Variants in CREB5 observed in about 807,000 individuals in gnomAD.
CREB5 encodes the protein cyclic AMP-responsive element-binding protein 5.
A neutral mutation model predicts 57.1 loss-of-function variants in CREB5; 19 were observed. That is an observed-to-expected ratio of 0.33 (90% CI 0.23 to 0.49). The LOEUF is 0.49. Ranked by LOEUF, CREB5 falls within the 20% of genes least tolerant of loss-of-function variation. CREB5 has a pLI of 0.99. For synonymous variants in CREB5, 238 were observed against 238.3 expected (o/e 1.00, Z 0.01); for missense variants, 579 against 671.6 (o/e 0.86, Z 1.52).
intron 1 of CREB5, among the ~76,000 whole-genome samples, chr7:28,365,108 C>A (rs1401244201): frequency 6.6e-6 from 1 of 152,202 alleles, no homozygotes; most frequent in African/African-American, 2.4e-5. Flanking sequence ...CTTGACCAAA[C>A]CACGAATTGC....
intron 5 of CREB5, among the ~76,000 whole-genome samples, chr7:28,586,072 A>G (rs1796295227): frequency 6.6e-6 from 1 of 152,080 alleles, no homozygotes; most frequent in African/African-American, 2.4e-5. Flanking sequence ...TCAAATCACT[A>G]TGTCATCTTG....
intron 5 of CREB5, among the ~76,000 whole-genome samples, chr7:28,694,560 A>T (rs532928495): frequency 6.6e-5 from 10 of 152,230 alleles, no homozygotes; most frequent in African/African-American, 1.7e-4. Context: ...TTCTTTTTTT[A>T]AAATTTTTCT....
intron 5 of CREB5, among the ~76,000 whole-genome samples, chr7:28,584,564 T>TG (rs1796243020): frequency 6.6e-6 from 1 of 152,096 alleles, no homozygotes; most frequent in South Asian, 2.1e-4. Flanking sequence ...ATCCAGGAGC[T>TG]GGGCATGGGG....
intron 6 of CREB5, among the ~76,000 whole-genome samples, chr7:28,720,149 T>A (rs1476069966): frequency 6.6e-6 from 1 of 152,198 alleles, no homozygotes; most frequent in Non-Finnish European, 1.5e-5. Flanking sequence ...TGCATGGACC[T>A]CTTCTTCATC....
chr7:28,306,211 T>A (rs73080557), intron 1 of CREB5, among the ~76,000 whole-genome samples: 9,948 of 152,292 alleles, frequency 0.065, 419 homozygotes, highest in Middle Eastern at 0.11. Context: ...AGTGTGAAAC[T>A]AATACTAGTT....
At chr7:28,516,138 C>A (rs1176569574) in intron 4 of CREB5, among the ~76,000 whole-genome samples, 7 of 152,004 alleles carry the variant, frequency 4.6e-5, no homozygotes, top group Non-Finnish European at 1.5e-5. Context: ...TGCTTGAGCC[C>A]AGGTGTTCAA....
chr7:28,648,800 T>C (rs1001401045), intron 5 of CREB5, among the ~76,000 whole-genome samples: 6 of 152,144 alleles, frequency 3.9e-5, no homozygotes, highest in Non-Finnish European at 8.8e-5. Context: ...ACTAAAATAT[T>C]ACTGAGAATT....
At chr7:28,364,347 G>A (rs1281670168) in intron 1 of CREB5, among the ~76,000 whole-genome samples, 1 of 152,192 alleles carries the variant, frequency 6.6e-6, no homozygotes, top group Non-Finnish European at 1.5e-5. Context: ...GGAAAGTTAT[G>A]AAGAGACAGT....
chr7:28,749,580 A>G (rs1804867552), intron 7 of CREB5: 1 of 152,230 alleles, frequency 6.6e-6, no homozygotes, highest in African/African-American at 2.4e-5. Flanking sequence ...GCAGTTGTAT[A>G]TTGGCCAAAT....
chr7:28,538,504 C>T (rs988719120), intron 4 of CREB5, among the ~76,000 whole-genome samples: 8 of 151,998 alleles, frequency 5.3e-5, no homozygotes, highest in Non-Finnish European at 7.4e-5. Flanking sequence ...TCTTTCACGA[C>T]GTTGCTAGGG....
chr7:28,486,210 CA>C (rs1791537594), intron 1 of CREB5, among the ~76,000 whole-genome samples: 1 of 152,030 alleles, frequency 6.6e-6, no homozygotes, highest in African/African-American at 2.4e-5. Flanking sequence ...ATCTGACTGA[CA>C]ATGTTATCTC....
intron 1 of CREB5, among the ~76,000 whole-genome samples, chr7:28,366,448 T>C (rs1786588811): frequency 6.6e-6 from 1 of 152,168 alleles, no homozygotes; most frequent in African/African-American, 2.4e-5. Flanking sequence ...TACTACTTAT[T>C]GTTATTGTGA....
intron 5 of CREB5, among the ~76,000 whole-genome samples, chr7:28,718,464 A>G (rs1562593646): frequency 6.6e-6 from 1 of 152,220 alleles, no homozygotes; most frequent in Non-Finnish European, 1.5e-5. Context: ...TCCTTTCCTA[A>G]GATGCGAGCG....
chr7:28,774,093 T>A (rs975171684), intron 7 of CREB5, among the ~76,000 whole-genome samples: 2 of 152,214 alleles, frequency 1.3e-5, no homozygotes, highest in Admixed American at 6.5e-5. Flanking sequence ...TTTCTTTCCT[T>A]CTTTTAACTG....
chr7:28,632,170 A>T (rs1296890340), intron 5 of CREB5, among the ~76,000 whole-genome samples: 1 of 152,204 alleles, frequency 6.6e-6, no homozygotes, highest in Non-Finnish European at 1.5e-5. Context: ...ACAAGATAAC[A>T]GCCTTTATCC....
intron 5 of CREB5, among the ~76,000 whole-genome samples, chr7:28,603,124 A>G (rs1293798995): frequency 6.6e-6 from 1 of 152,202 alleles, no homozygotes. Context: ...TGACAAAATA[A>G]GGTAATTCCC....
intron 5 of CREB5, among the ~76,000 whole-genome samples, chr7:28,665,471 AT>A (rs1562558569): frequency 6.6e-6 from 1 of 152,154 alleles, no homozygotes; most frequent in African/African-American, 2.4e-5. Context: ...TGAGCTGGTT[AT>A]TTTTTATGTC....
At chr7:28,732,000 G>A (rs1043210134) in intron 7 of CREB5, among the ~76,000 whole-genome samples, 2 of 152,052 alleles carry the variant, frequency 1.3e-5, no homozygotes, top group African/African-American at 2.4e-5. Context: ...ATGTTTTCTC[G>A]CTGTTTTCTT....
At chr7:28,594,126 CCTCCTTT>C (rs890381800) in intron 5 of CREB5, among the ~76,000 whole-genome samples, 3 of 152,330 alleles carry the variant, frequency 2.0e-5, no homozygotes, top group Admixed American at 2.0e-4. Flanking sequence ...GAGAAATCTG[CCTCCTTT>C]CTCCTTACAA....
Sources: gnomAD v4.1 joint callset for allele counts (sites outside exome capture counted in the v4.1 genomes callset) on GRCh38, gnomAD v4.1.1 for gene constraint, MANE v1.5 for transcripts, NCBI Gene and HGNC (gene_info 2026-07-23, HGNC 2026-07-21) for gene names.